Variants in ULK4 observed in about 807,000 individuals in gnomAD.
ULK4 encodes unc-51 like kinase 4, also known as inactive serine/threonine-protein kinase ULK4.
ULK4 carries 133 observed loss-of-function variants against 160.6 expected under a neutral mutation model. That is an observed-to-expected ratio of 0.83 (90% confidence interval 0.72 to 0.96). The LOEUF (loss-of-function observed/expected upper bound fraction) is 0.96. Among genes scored for constraint, ULK4 ranks in the 40% least tolerant of loss-of-function variants. The probability of loss-of-function intolerance (pLI) is 0.00; values close to 1 mark genes in which losing one functional copy is unlikely to be tolerated. For synonymous variants in ULK4, 534 were observed against 539.8 expected, an observed-to-expected ratio of 0.99 and a Z score of 0.15; for missense variants, 1,580 against 1,499.5, an observed-to-expected ratio of 1.05 and a Z score of -0.89.
chr3:41,713,906 G>A (rs892114795), intron 25 of ULK4, among the ~76,000 whole-genome samples: 3 of 151,398 alleles, frequency 2.0e-5, no homozygotes, highest in African/African-American at 7.3e-5. Flanking sequence ...GTAGGCAGAA[G>A]AAAATACTAC....
At chr3:41,497,217 A>G (rs983994477) in intron 32 of ULK4, among the ~76,000 whole-genome samples, 2 of 152,160 alleles carry the variant, frequency 1.3e-5, no homozygotes, top group African/African-American at 4.8e-5. Context: ...GAAAACATGT[A>G]TTATCTGAAA....
Position 41,836,298 on chromosome 3 carries a change from G to C in ULK4, c.1657-327C>G, listed in dbSNP as rs74576180. ...AGAGATTCTTGTGCCTCAACCTCCC[G>C]AGTAGCTGGGATTACAAGCGCACGC... On this transcript the variant is annotated intron_variant, in intron 17 of 36. Coordinates refer to ENST00000301831, the MANE Select transcript of ULK4 (RefSeq NM_017886.4). Among the ~76,000 whole-genome samples, 627 of 151,860 alleles carry C rather than the reference G, an allele frequency of 4.1e-3. 5 individuals are homozygous for C. Among genetic ancestry groups the C allele is most frequent in the African/African-American group, 0.014 (587 of 41,416 alleles).
chr3:41,939,496 C>CTT (rs11411239), intron 2 of ULK4, among the ~76,000 whole-genome samples: 7 of 151,844 alleles, frequency 4.6e-5, no homozygotes, highest in Admixed American at 6.6e-5. Flanking sequence ...GACAATTATC[C>CTT]TTTTTTTCTT....
At chr3:41,542,610 T>C (rs908265544) in intron 32 of ULK4, among the ~76,000 whole-genome samples, 1 of 152,216 alleles carries the variant, frequency 6.6e-6, no homozygotes, top group African/African-American at 2.4e-5. Flanking sequence ...AGCTCCTCTT[T>C]GTACCTCTGG....
intron 35 of ULK4, among the ~76,000 whole-genome samples, chr3:41,293,598 T>TG (rs995627251): frequency 6.6e-6 from 1 of 152,186 alleles, no homozygotes; most frequent in African/African-American, 2.4e-5. Context: ...TCTGATACCC[T>TG]GGGTTGAAAT....
chr3:41,415,122 A>G (rs916228861), intron 34 of ULK4, among the ~76,000 whole-genome samples: 5 of 152,242 alleles, frequency 3.3e-5, no homozygotes, highest in African/African-American at 1.2e-4. Context: ...CATGTCAATA[A>G]CAAAAGAAGC....
intron 35 of ULK4, among the ~76,000 whole-genome samples, chr3:41,348,206 C>CAAAAAAAAAAAAAAAAA (rs1197234650): frequency 1.7e-4 from 4 of 22,964 alleles, no homozygotes; most frequent in African/African-American, 6.8e-4. Flanking sequence ...AACTCTGTCT[C>CAAAAAAAAAAAAAAAAA]AAAAAAAAAA....
intron 17 of ULK4, chr3:41,882,387 A>C (rs1205914117): frequency 7.6e-5 from 50 of 658,938 alleles, no homozygotes; most frequent in Non-Finnish European, 1.1e-5. Flanking sequence ...TGGTCGTAGT[A>C]TTCTTTTCTA....
chr3:41,849,917 C>G (rs2042168550), intron 17 of ULK4, among the ~76,000 whole-genome samples: 2 of 152,144 alleles, frequency 1.3e-5, no homozygotes, highest in African/African-American at 4.8e-5. Flanking sequence ...CACCCATTAA[C>G]TCGTCATTTA....
intron 2 of ULK4, among the ~76,000 whole-genome samples, chr3:41,949,901 A>G (rs975496962): frequency 6.7e-6 from 1 of 150,170 alleles, no homozygotes; most frequent in Non-Finnish European, 1.5e-5. Context: ...ATGCCTGGCT[A>G]ATTTTTCTAT....
intron 21 of ULK4, among the ~76,000 whole-genome samples, chr3:41,775,425 G>A (rs1409439147): frequency 1.4e-5 from 2 of 143,994 alleles, no homozygotes; most frequent in African/African-American, 2.7e-5. Flanking sequence ...TGGTGATGCA[G>A]TCTTGCTCTG....
intron 35 of ULK4, among the ~76,000 whole-genome samples, chr3:41,344,446 G>A (rs2080754621): frequency 6.6e-6 from 1 of 152,010 alleles, no homozygotes; most frequent in Non-Finnish European, 1.5e-5. Context: ...AACACCAAAA[G>A]CAACTGCAAC....
At chr3:41,401,830 A>C (rs58675105) in intron 34 of ULK4, among the ~76,000 whole-genome samples, 3,877 of 152,288 alleles carry the variant, frequency 0.025, 156 homozygotes, top group African/African-American at 0.087. Flanking sequence ...TTTGGCTTTA[A>C]TGGAAAAGTT....
intron 5 of ULK4, among the ~76,000 whole-genome samples, chr3:41,931,596 A>G (rs1472915982): frequency 6.6e-6 from 1 of 152,150 alleles, no homozygotes; most frequent in East Asian, 1.9e-4. Context: ...AGTGCTCAGT[A>G]AAACATAAAG....
chr3:41,376,306 A>T lies in ULK4; in HGVS notation c.3678+21773T>A, dbSNP rs189752166. Among the ~76,000 whole-genome samples the T allele has an allele frequency of 4.9e-4, 73 of 150,442 alleles. 4 individuals are homozygous for T. Among genetic ancestry groups the T allele is most frequent in the African/African-American group, 1.8e-3 (71 of 40,418 alleles). ...CCAAAGGATCATAAATCATTCCACT[A>T]TAAAGACACATACACACATATGTTT... On this transcript the variant is annotated intron_variant, in intron 35 of 36. Coordinates refer to ENST00000301831, the MANE Select transcript of ULK4 (RefSeq NM_017886.4).
chr3:41,337,265 G>T (rs1042117554), intron 35 of ULK4, among the ~76,000 whole-genome samples: 3 of 152,150 alleles, frequency 2.0e-5, no homozygotes, highest in Admixed American at 6.5e-5. Flanking sequence ...TAAGAAGTTT[G>T]ATAATTTTGG....
At chr3:41,523,811 C>T (rs1236018160) in intron 32 of ULK4, among the ~76,000 whole-genome samples, 1 of 152,092 alleles carries the variant, frequency 6.6e-6, no homozygotes, top group East Asian at 1.9e-4. Context: ...AACATATCAA[C>T]ACAAAAACTT....
At chr3:41,593,543 C>T (rs77848289) in intron 31 of ULK4, among the ~76,000 whole-genome samples, 1,811 of 152,148 alleles carry the variant, frequency 0.012, 35 homozygotes, top group African/African-American at 0.042. Flanking sequence ...GATGACCGGT[C>T]TATAGTTGAT....
intron 27 of ULK4, among the ~76,000 whole-genome samples, chr3:41,690,611 C>A (rs1230618686): frequency 6.6e-6 from 1 of 151,560 alleles, no homozygotes; most frequent in African/African-American, 2.4e-5. Flanking sequence ...TCCCACCAAC[C>A]AATACATTTT....
Sources: allele counts gnomAD v4.1 joint callset (sites outside exome capture counted in the v4.1 genomes callset), GRCh38; gene constraint gnomAD v4.1.1; transcripts MANE v1.5; gene names NCBI Gene and HGNC (gene_info 2026-07-23, HGNC 2026-07-21).